PLA2G3: variants seen among roughly 807,000 people sequenced by gnomAD.
The protein encoded by PLA2G3 is phospholipase A2 group III, also known as group 3 secretory phospholipase A2.
Under a neutral mutation model 51.3 loss-of-function variants are expected in PLA2G3, and 39 were observed. The ratio of observed to expected loss-of-function variants is 0.76; its 90% confidence interval spans 0.59 to 0.99. The LOEUF is 0.99. PLA2G3 is among the 50% of genes least tolerant of loss of function. PLA2G3 has a pLI of 0.00. For missense variants in PLA2G3, 677 were observed against 662.1 expected, an observed-to-expected ratio of 1.02 and a Z score of -0.25; for synonymous variants, 293 against 263.1, an observed-to-expected ratio of 1.11 and a Z score of -1.10.
At position 31,140,502 on chromosome 22, in the gene PLA2G3, G is replaced by A; in HGVS notation, c.-148C>T. On this transcript the variant is annotated 5_prime_UTR_variant, in exon 1 of 7. Transcript: ENST00000215885. Reference sequence around the variant, plus strand: ...ATGAATGGAGCTGCGGGAGGAGGAGGAAAGAGGCTGGAGTATGGGGTGATC... The same window carrying A: ...ATGAATGGAGCTGCGGGAGGAGGAGAAAAGAGGCTGGAGTATGGGGTGATC... The A allele has an allele frequency of 1.2e-6, 1 of 849,104 alleles. No individual in the cohort carries two copies. The highest frequency in any genetic ancestry group is 1.8e-6 in the Non-Finnish European group (1 of 560,978). 52.6% of individuals were successfully genotyped at this position (849,104 alleles called of 1,614,324 possible).
Position 31,137,905 on chromosome 22 carries a change from T to C in PLA2G3, c.871A>G (p.Thr291Ala), listed in dbSNP as rs1329085823. 1 of 1,613,246 alleles carries C rather than the reference T, an allele frequency of 6.2e-7. No individual in the cohort carries two copies. The highest frequency in any genetic ancestry group is 1.7e-5 in the Admixed American group (1 of 59,916). The change falls in exon 4 of 7, where the codon ACT becomes GCT. Residue 291 changes from threonine to alanine, a missense_variant. Transcript: ENST00000215885. ...ASWSSRATSP[T>A]PSSRSPAPPK... is the part of the protein sequence containing the mutation. Reference sequence around the variant, plus strand: ...GGGGCTGGGCTCCGGGAGCTGGGAGTTGGGGAGGTGGCCCGGGAGCTCCAG... The same window carrying C: ...GGGGCTGGGCTCCGGGAGCTGGGAGCTGGGGAGGTGGCCCGGGAGCTCCAG...
chr22:31,138,356 C>T lies in PLA2G3; in HGVS notation c.702G>A (p.Val234=). The stretch of plus-strand genomic sequence containing the variant: ...GGATCTCCAGCACGTTGAAGAAGGC[C>T]ACGCCCACGATGTCCGAGATGGAGT... ...QHDSISDIVG[V]AFFNVLEIPC... is the part of the protein sequence containing the mutation. The change falls in exon 3 of 7, where the codon GTG becomes GTA. Residue 234 remains valine (V), a synonymous_variant. Coordinates refer to ENST00000215885, the MANE Select transcript of PLA2G3 (RefSeq NM_015715.5). 6.2e-7 allele frequency: 1 copy of T among 1,613,990 alleles called. No individual in the cohort carries two copies. Among genetic ancestry groups the T allele is most frequent in the Non-Finnish European group, 8.5e-7 (1 of 1,179,976 alleles).
At chr22:31,137,487 T>C (rs1485474813) in intron 4 of PLA2G3, among the ~76,000 whole-genome samples, 2 of 152,108 alleles carry the variant, frequency 1.3e-5, no homozygotes. Context: ...TGGGACATCA[T>C]TGGCTGAGAT....
chr22:31,137,515 G>A (rs1047071983), intron 4 of PLA2G3, among the ~76,000 whole-genome samples, 195 bp downstream of exon 4: 10 of 152,200 alleles, frequency 6.6e-5, no homozygotes, highest in African/African-American at 2.4e-4. Flanking sequence ...AGTGGTGGTG[G>A]GTGCACAGTG....
At position 31,138,112 on chromosome 22, in the gene PLA2G3, G is replaced by A. The variant is rs1451904161; in HGVS notation, c.783-119C>T. 7.4e-6 allele frequency: 10 copies of A among 1,350,346 alleles called. No individual in the cohort carries two copies. The East Asian group carries it at 2.4e-4, about 33-fold the overall frequency. The allele number at this position is 1,350,346 out of a possible 1,614,324, so 83.6% of individuals were successfully genotyped here. ...CCCATCCCCCATCCCGCTGGGTTGT[G>A]GGGGACACCCAAGGAGGGTCTGCAT... On this transcript the variant is annotated intron_variant, in intron 3 of 6. Coordinates refer to ENST00000215885, the MANE Select transcript of PLA2G3 (RefSeq NM_015715.5).
rs1212003486 is a variant in PLA2G3, at chr22:31,137,830, T to C, written c.946A>G (p.Lys316Glu). Residue 316 changes from lysine (K) to glutamate (E), a missense_variant, in exon 4 of 7, where the codon AAA becomes GAA. Lys to Glu is a moderately conservative substitution (Grantham distance 56, BLOSUM62 1). Transcript: ENST00000215885. Reference protein sequence around the residue: ...QHLRKGPPHQKGSKRPSKANT... With the variant: ...QHLRKGPPHQEGSKRPSKANT... ...GCTTTGCTGGGGCGCTTGGACCCTT[T>C]CTGATGTGGTGGCCCCTTCCGAAGG... 1.2e-6 allele frequency: 2 copies of C among 1,614,004 alleles called. No homozygotes were observed. The highest frequency in any genetic ancestry group is 2.2e-5 in the East Asian group (1 of 44,888).
rs747768362 is a variant in PLA2G3, at chr22:31,138,419, G to C, written c.648-9C>G. The C allele has an allele frequency of 6.2e-7, 1 of 1,613,662 alleles. No individual in the cohort carries two copies. Reference sequence around the variant, plus strand: ...GTAGGCATTGCTGAAACCTGCCCCAGAACAGATACCCAGGACCCTGGGGCA... The same window carrying C: ...GTAGGCATTGCTGAAACCTGCCCCACAACAGATACCCAGGACCCTGGGGCA... On this transcript the variant is annotated splice_polypyrimidine_tract_variant and intron_variant, in intron 2 of 6. Coordinates refer to ENST00000215885, the MANE Select transcript of PLA2G3 (RefSeq NM_015715.5).
rs949750033 is a variant in PLA2G3 at position 31,136,928 on chromosome 22, G to A, written c.1179C>T (p.Phe393=). The part of the protein sequence containing the change: ...QLLNSAQEPL[F]HCNCTRRLAR... ...CTCACCGGCGCGTGCAGTTGCAGTG[G>A]AAGAGGGGCTCTTGGGCGCTGTTGA... The change falls in exon 5 of 7, where the codon TTC becomes TTT. Residue 393 remains phenylalanine, a synonymous_variant. Coordinates refer to ENST00000215885, the MANE Select transcript of PLA2G3 (RefSeq NM_015715.5). 4 of 1,608,352 alleles carry A rather than the reference G, an allele frequency of 2.5e-6. No individual in the cohort carries two copies. The highest frequency in any genetic ancestry group is 2.5e-6 in the Non-Finnish European group (3 of 1,177,744).
Position 31,137,985 on chromosome 22 carries a change from A to C in PLA2G3, c.791T>G (p.Met264Arg), listed in dbSNP as rs779208102. 4.5e-6 allele frequency: 7 copies of C among 1,549,002 alleles called. No individual in the cohort carries two copies. The African/African-American group carries it at 9.6e-5, about 21-fold the overall frequency. ...GCGAGCGAGGGGCACTGTGCCGTAC[A>C]TCCTACACCTGGGTGGTGGCAGTTG... ...VAWYWWGGCR[M>R]YGTVPLARLQ... The change falls in exon 4 of 7, where the codon ATG becomes AGG. Residue 264 changes from methionine to arginine, a missense_variant. Met to Arg is a moderately conservative substitution (Grantham distance 91). Coordinates refer to ENST00000215885, the MANE Select transcript of PLA2G3 (RefSeq NM_015715.5).
Position 31,137,814 on chromosome 22 carries a change from G to T in PLA2G3, c.962C>A (p.Pro321His), listed in dbSNP as rs1170818507. The change falls in exon 4 of 7, where the codon CCC becomes CAC. Residue 321 changes from proline (P) to histidine (H), a missense_variant. Coordinates refer to ENST00000215885, the MANE Select transcript of PLA2G3 (RefSeq NM_015715.5). Reference protein sequence around the residue: ...GPPHQKGSKRPSKANTTALQD... With the variant: ...GPPHQKGSKRHSKANTTALQD... ...GAGGGCTGTGGTGTTGGCTTTGCTG[G>T]GGCGCTTGGACCCTTTCTGATGTGG... 6.2e-7 allele frequency: 1 copy of T among 1,613,980 alleles called. No homozygotes were observed. The highest frequency in any genetic ancestry group is 8.5e-7 in the Non-Finnish European group (1 of 1,180,010).
chr22:31,138,511 G>C, intron 2 of PLA2G3, 101 bp from the exon 3 acceptor site: 1 of 1,523,114 alleles, frequency 6.6e-7, no homozygotes. Context: ...TGGGGTCCAA[G>C]CATCCCTTCT....
At chr22:31,138,236 C>G (rs1382712378) in intron 3 of PLA2G3, 40 bp downstream of exon 3, 1 of 1,605,284 alleles carries the variant, frequency 6.2e-7, no homozygotes, top group Non-Finnish European at 8.5e-7. Flanking sequence ...CCTGGGCTCC[C>G]TCTCTGTCTG....
intron 2 of PLA2G3, 98 bp from the exon 3 acceptor site, chr22:31,138,508 C>T (rs956665566): frequency 1.3e-5 from 20 of 1,527,278 alleles, no homozygotes; most frequent in Non-Finnish European, 1.6e-5. Flanking sequence ...GTTTGGGGTC[C>T]AAGCATCCCT....
In PLA2G3 at chr22:31,139,995, C is replaced by T. The variant is rs149748193; in HGVS notation, c.360G>A (p.Ala120=). The T allele has an allele frequency of 9.5e-5, 154 of 1,613,844 alleles. 1 individual carries two copies. In the African/African-American group the frequency reaches 1.5e-3, roughly 16 times the overall value. Residue 120 remains alanine, a synonymous_variant, in exon 1 of 7, where the codon GCG becomes GCA. Transcript: ENST00000215885. ...TGGCCCCTGCTGGACTCTCCTCAAG[C>T]GCTCGGCATGCCTCCCACTGACTCT... ...TLQSQWEACR[A]LEESPAGARK...
In PLA2G3 at chr22:31,137,692, G is replaced by T. The variant is rs551248122; in HGVS notation, c.1066+18C>A. On this transcript the variant is annotated intron_variant, in intron 4 of 6. Transcript: ENST00000215885. ...CCCCCTCATGTCAGGAACCCCCAAG[G>T]TTAGGTTCTGAGCTCACCCTGAGGT... The T allele has an allele frequency of 1.3e-6, 2 of 1,574,450 alleles. No individual in the cohort carries two copies. Among genetic ancestry groups the T allele is most frequent in the South Asian group, 1.2e-5 (1 of 83,930 alleles).
At chr22:31,136,096 G>A (rs1366112620) in intron 6 of PLA2G3, among the ~76,000 whole-genome samples, 160 bp from the exon 7 acceptor site, 2 of 152,188 alleles carry the variant, frequency 1.3e-5, no homozygotes, top group Admixed American at 6.5e-5. Flanking sequence ...ATAATAAACC[G>A]GGCTGGTACC....
intron 5 of PLA2G3, 31 bp downstream of exon 5, chr22:31,136,877 C>T (rs1197300343): frequency 6.2e-7 from 1 of 1,602,500 alleles, no homozygotes; most frequent in East Asian, 2.2e-5. Flanking sequence ...CAGCAGGCAG[C>T]CCACCCCGCG....
chr22:31,136,816 G>A lies in PLA2G3; in HGVS notation c.1200-17C>T, dbSNP rs975517761. ...CGTGCCAGACTGAGAACAGAGGCAG[G>A]CTCAGGCCGGGGCAGGGCCTTGCCA... On this transcript the variant is annotated splice_polypyrimidine_tract_variant and intron_variant, in intron 5 of 6. Transcript: ENST00000215885. 6.2e-7 allele frequency: 1 copy of A among 1,606,346 alleles called. No homozygotes were observed. The highest frequency in any genetic ancestry group is 1.3e-5 in the African/African-American group (1 of 74,582).
chr22:31,138,177 T>C, intron 3 of PLA2G3, 99 bp downstream of exon 3: 1 of 1,464,594 alleles, frequency 6.8e-7, no homozygotes, highest in South Asian at 1.3e-5. Context: ...TGGGACATCA[T>C]TCCCTGGAAG....
Sources: allele counts gnomAD v4.1 joint callset (sites outside exome capture counted in the v4.1 genomes callset), GRCh38; gene constraint gnomAD v4.1.1; transcripts MANE v1.5; gene names NCBI Gene and HGNC (gene_info 2026-07-23, HGNC 2026-07-21).